DCLK1: variants seen among roughly 807,000 people sequenced by gnomAD.
The protein encoded by DCLK1 is doublecortin like kinase 1.
Under a neutral mutation model 86.2 loss-of-function variants are expected in DCLK1, and 16 were observed. The ratio of observed to expected loss-of-function variants is 0.19; its 90% CI spans 0.13 to 0.28. DCLK1 has a LOEUF of 0.28. Ranked by LOEUF, DCLK1 falls within the 10% of genes least tolerant of loss-of-function variation. The pLI, the probability that DCLK1 is intolerant of heterozygous loss-of-function variation, is 1.00. For missense variants in DCLK1, 590 were observed against 940.2 expected (o/e 0.63, Z 4.87); for synonymous variants, 369 against 370.5 (o/e 1.00, Z 0.05).
At chr13:35,977,184 A>G (rs1225853930) in intron 3 of DCLK1, among the ~76,000 whole-genome samples, 1 of 152,246 alleles carries the variant, frequency 6.6e-6, no homozygotes, top group South Asian at 2.1e-4. Flanking sequence ...TTCCAAATAT[A>G]TAAGTTACTT....
chr13:35,873,191 G>C (rs930348728), intron 4 of DCLK1, among the ~76,000 whole-genome samples: 2 of 151,826 alleles, frequency 1.3e-5, no homozygotes, highest in East Asian at 1.9e-4. Context: ...CCAGCTACTC[G>C]GGAGGCTAAG....
chr13:35,887,713 T>C (rs763451402), intron 4 of DCLK1, among the ~76,000 whole-genome samples: 3 of 151,846 alleles, frequency 2.0e-5, no homozygotes, highest in African/African-American at 4.8e-5. Context: ...CTATGTCATG[T>C]AGCTAGATTG....
intron 16 of DCLK1, among the ~76,000 whole-genome samples, chr13:35,783,638 T>C (rs1281222629): frequency 2.0e-5 from 3 of 152,258 alleles, no homozygotes; most frequent in African/African-American, 7.2e-5. Context: ...CAGGCTGGAG[T>C]GCAGTGGTGT....
chr13:36,041,550 C>T (rs1275509149), intron 3 of DCLK1, among the ~76,000 whole-genome samples: 1 of 152,144 alleles, frequency 6.6e-6, no homozygotes, highest in Non-Finnish European at 1.5e-5. Flanking sequence ...ATTTGTAATA[C>T]AGTTAGATTG....
Position 36,125,841 on chromosome 13 carries a change from C to T in DCLK1, c.297G>A (p.Val99=). Residue 99 remains valine, a synonymous_variant, in exon 2 of 17, where the codon GTG becomes GTA. Transcript: ENST00000360631. ...ADLTRTLSDN[V]NLPQGVRTIY... is the part of the protein sequence containing the mutation. ...TTGTTCTCACTCCCTGGGGCAAATT[C>T]ACGTTATCCGACAGAGTTCGGGTCA... 3 of 1,613,158 alleles carry T rather than the reference C, an allele frequency of 1.9e-6. No homozygotes were observed. Among genetic ancestry groups the T allele is most frequent in the Non-Finnish European group, 2.5e-6 (3 of 1,179,736 alleles).
chr13:35,809,174 C>A, intron 12 of DCLK1, 79 bp from the exon 13 acceptor site: 2 of 1,143,164 alleles, frequency 1.7e-6, no homozygotes, highest in Non-Finnish European at 1.2e-6. Flanking sequence ...AATGACTTTC[C>A]TCCTCCAAGC....
intron 3 of DCLK1, among the ~76,000 whole-genome samples, chr13:36,081,200 A>T (rs539612746): frequency 2.0e-5 from 3 of 152,222 alleles, no homozygotes; most frequent in Non-Finnish European, 4.4e-5. Context: ...TTAAATAATT[A>T]TTAACATAAT....
chr13:35,860,727 C>T (rs1871334476), intron 5 of DCLK1, among the ~76,000 whole-genome samples: 1 of 152,116 alleles, frequency 6.6e-6, no homozygotes, highest in South Asian at 2.1e-4. Context: ...CACAAAGAAC[C>T]CCTGCTCTCA....
At chr13:36,106,112 A>G (rs1049279842) in intron 3 of DCLK1, among the ~76,000 whole-genome samples, 1 of 152,220 alleles carries the variant, frequency 6.6e-6, no homozygotes, top group Non-Finnish European at 1.5e-5. Context: ...CAATTTACAG[A>G]AAACTAACTT....
At chr13:36,003,170 G>C (rs1880794387) in intron 3 of DCLK1, among the ~76,000 whole-genome samples, 1 of 152,208 alleles carries the variant, frequency 6.6e-6, no homozygotes, top group African/African-American at 2.4e-5. Flanking sequence ...TGATTTTGGT[G>C]GGTGTGAGCT....
intron 11 of DCLK1, among the ~76,000 whole-genome samples, chr13:35,814,448 A>C (rs2087223659): frequency 6.6e-6 from 1 of 152,208 alleles, no homozygotes; most frequent in South Asian, 2.1e-4. Context: ...TTGACTTGTT[A>C]CTTGGCGTTC....
Position 35,882,137 on chromosome 13 carries a change from A to C in DCLK1, c.824-10797T>G, listed in dbSNP as rs939142506. The stretch of plus-strand genomic sequence containing the variant: ...TCTGGAGTCTCTCCAAAAGCTCTAG[A>C]ATGGAATCCGTTCCTTGTCGCTTAT... On this transcript the variant is annotated intron_variant, in intron 4 of 16. Coordinates refer to ENST00000360631, the MANE Select transcript of DCLK1 (RefSeq NM_001330071.2). Among the ~76,000 whole-genome samples, 5 of 152,280 alleles carry C rather than the reference A, an allele frequency of 3.3e-5. No individual in the cohort carries two copies. The East Asian group carries it at 9.7e-4, about 30-fold the overall frequency.
intron 10 of DCLK1, among the ~76,000 whole-genome samples, chr13:35,825,690 TAA>T (rs2087504105): frequency 6.6e-6 from 1 of 152,208 alleles, no homozygotes. Context: ...AACATTGTTG[TAA>T]AAAGACTCCT....
At chr13:35,857,139 A>G (rs1485386733) in intron 5 of DCLK1, among the ~76,000 whole-genome samples, 1 of 152,202 alleles carries the variant, frequency 6.6e-6, no homozygotes, top group Admixed American at 6.5e-5. Flanking sequence ...TGGTGACCTC[A>G]CAGCCAACAC....
At chr13:35,991,188 T>A (rs1258777648) in intron 3 of DCLK1, among the ~76,000 whole-genome samples, 1 of 152,112 alleles carries the variant, frequency 6.6e-6, no homozygotes, top group Non-Finnish European at 1.5e-5. Flanking sequence ...AAGACACAGA[T>A]GCCAAGAAGA....
At chr13:35,856,338 G>A (rs1490940660) in intron 5 of DCLK1, among the ~76,000 whole-genome samples, 1 of 152,152 alleles carries the variant, frequency 6.6e-6, no homozygotes, top group African/African-American at 2.4e-5. Context: ...AAATAGAAAA[G>A]GATTAAAGAC....
At chr13:35,933,780 A>G (rs1437177852) in intron 4 of DCLK1, among the ~76,000 whole-genome samples, 1 of 152,174 alleles carries the variant, frequency 6.6e-6, no homozygotes, top group Non-Finnish European at 1.5e-5. Flanking sequence ...GGCTGCTGTA[A>G]AGACCTCTGA....
rs1162953939 is a variant in DCLK1 at position 35,793,337 on chromosome 13, AG to A, written c.2058+28del. On this transcript the variant is annotated intron_variant, in intron 16 of 16. Coordinates refer to ENST00000360631, the MANE Select transcript of DCLK1 (RefSeq NM_001330071.2). ...CTCTTAGGTGGGTTGCTTTAAAAAA[AG>A]TTATAGGTGGATATTTCAGATGCTT... is the stretch of plus-strand genomic sequence containing the variant. The A allele has an allele frequency of 2.5e-6, 4 of 1,575,472 alleles. No individual in the cohort carries two copies. The Admixed American group carries it at 5.5e-5, about 21-fold the overall frequency.
rs540687335 is a variant in DCLK1, at chr13:35,950,324, T to C, written c.724-2867A>G. 1.0e-3 allele frequency among the ~76,000 whole-genome samples: 155 copies of C among 152,340 alleles called. 2 individuals carry two copies. The highest frequency in any genetic ancestry group is 3.7e-3 in the African/African-American group (152 of 41,590). On this transcript the variant is annotated intron_variant, in intron 3 of 16. Coordinates refer to ENST00000360631, the MANE Select transcript of DCLK1 (RefSeq NM_001330071.2). The stretch of plus-strand genomic sequence containing the variant: ...ATCATTGATACAGAGGTAGCTGTAA[T>C]GTATTCCAACTAACAAGAAAGAATA...
Sources: gnomAD v4.1 joint callset for allele counts (sites outside exome capture counted in the v4.1 genomes callset) on GRCh38, gnomAD v4.1.1 for gene constraint, MANE v1.5 for transcripts, NCBI Gene and HGNC (gene_info 2026-07-23, HGNC 2026-07-21) for gene names.